The following RAB35 variants were observed in gnomAD, a reference collection of about 807,000 sequenced individuals.
The protein encoded by RAB35 is RAB35, member RAS oncogene family.
A neutral mutation model predicts 28.9 loss-of-function variants in RAB35; 4 were observed. That is an observed-to-expected ratio of 0.14 (90% CI 0.07 to 0.32). The LOEUF is 0.32. RAB35 is among the 10% of genes least tolerant of loss of function. The pLI, the probability that RAB35 is intolerant of heterozygous loss-of-function variation, is 1.00. For synonymous variants in RAB35, 99 were observed against 105.1 expected (o/e 0.94, Z 0.35); for missense variants, 128 against 274.0 (o/e 0.47, Z 3.76).
At chr12:120,112,433 ATT>A (rs139962625) in intron 1 of RAB35, among the ~76,000 whole-genome samples, 21 of 141,648 alleles carry the variant, frequency 1.5e-4, no homozygotes, top group Non-Finnish European at 1.2e-4. Flanking sequence ...TGTTCTCGAT[ATT>A]TTTTTTTTTT....
rs1875541577 is a variant in RAB35, at chr12:120,098,886, A to G, written c.402T>C (p.Asp134=). The G allele has an allele frequency of 6.2e-7, 1 of 1,614,086 alleles. No homozygotes were observed. The highest frequency in any genetic ancestry group is 1.3e-5 in the African/African-American group (1 of 74,930). Residue 134 remains aspartate, a synonymous_variant, in exon 5 of 6, where the codon GAT becomes GAC. Coordinates refer to ENST00000229340, the MANE Select transcript of RAB35 (RefSeq NM_006861.7). ...CCATCTGCCCGGCGAATTTGTAGGCATCTTCCGTCTCCACCACCTTCCGCT... is the reference window on the plus strand; with the variant it reads ...CCATCTGCCCGGCGAATTTGTAGGCGTCTTCCGTCTCCACCACCTTCCGCT... ...DPERKVVETE[D]AYKFAGQMGI... is the part of the protein sequence containing the mutation.
chr12:120,113,322 G>A (rs1256383180), intron 1 of RAB35, among the ~76,000 whole-genome samples: 2 of 151,438 alleles, frequency 1.3e-5, no homozygotes, highest in Non-Finnish European at 2.9e-5. Flanking sequence ...CCCCAGCCAT[G>A]TTCTCAATTT....
chr12:120,097,944 C>T lies in RAB35; in HGVS notation c.478-571G>A, dbSNP rs572528008. 4.1e-5 allele frequency among the ~76,000 whole-genome samples: 6 copies of T among 144,752 alleles called. No individual in the cohort carries two copies. The East Asian group carries it at 1.0e-3, about 25-fold the overall frequency. The allele number at this position is 144,752 out of a possible 152,430, so 95.0% of individuals were successfully genotyped here. A position where few individuals can be genotyped will look rare whatever the true frequency, so the allele number is the denominator to read the frequency against. On this transcript the variant is annotated intron_variant, in intron 5 of 5. Transcript: ENST00000229340. ...TGTCGCCCAGGCTGGAGTGCAGTGGCGTGATCTCAGCTCACTGCAAACTCT... is the reference window on the plus strand; with the variant it reads ...TGTCGCCCAGGCTGGAGTGCAGTGGTGTGATCTCAGCTCACTGCAAACTCT...
At chr12:120,109,935 C>T (rs1214533705) in intron 1 of RAB35, among the ~76,000 whole-genome samples, 1 of 152,204 alleles carries the variant, frequency 6.6e-6, no homozygotes, top group Non-Finnish European at 1.5e-5. Flanking sequence ...AATTCACATG[C>T]ATCGGGCTGT....
rs139785268 is a variant in RAB35, at chr12:120,112,490, G to A, written c.53-4023C>T. Among the ~76,000 whole-genome samples, 115 of 151,516 alleles carry A rather than the reference G, an allele frequency of 7.6e-4. No homozygotes were observed. In the East Asian group the frequency reaches 0.012, roughly 15 times the overall value. ...CTGTTGCTCAGGCTAAAGTGCAGCA[G>A]CGTGATCATAGCTCATTGCAGTCTC... On this transcript the variant is annotated intron_variant, in intron 1 of 5. Transcript: ENST00000229340.
intron 1 of RAB35, among the ~76,000 whole-genome samples, chr12:120,115,153 T>TC (rs1230748816): frequency 6.6e-6 from 1 of 151,554 alleles, no homozygotes; most frequent in African/African-American, 2.4e-5. Context: ...CCCCCAGCTT[T>TC]CCCCCTTACC....
chr12:120,107,290 C>A (rs1305874995), intron 2 of RAB35, among the ~76,000 whole-genome samples: 1 of 152,084 alleles, frequency 6.6e-6, no homozygotes, highest in Non-Finnish European at 1.5e-5. Flanking sequence ...CCCGGCTGAA[C>A]CTGATGTATT....
At chr12:120,100,547 G>A (rs1875615938) in intron 3 of RAB35, among the ~76,000 whole-genome samples, 1 of 152,156 alleles carries the variant, frequency 6.6e-6, no homozygotes, top group Non-Finnish European at 1.5e-5. Context: ...GAAACCAACA[G>A]GCAGCTTAGG....
intron 5 of RAB35, 38 bp downstream of exon 5, chr12:120,098,773 C>A: frequency 6.2e-7 from 1 of 1,612,204 alleles, no homozygotes; most frequent in Non-Finnish European, 8.5e-7. Flanking sequence ...AAGGCGGCCA[C>A]GGGTGTGTGG....
At chr12:120,099,302 C>T in intron 3 of RAB35, 148 bp from the exon 4 acceptor site, 1 of 1,030,932 alleles carries the variant, frequency 9.7e-7, no homozygotes, top group Non-Finnish European at 1.4e-6. Flanking sequence ...GCAGATGCCC[C>T]CGAGCCACAA....
rs573758073 is a variant in RAB35 at position 120,095,231 on chromosome 12, G to A, written c.*2014C>T. On this transcript the variant is annotated 3_prime_UTR_variant, in exon 6 of 6. Coordinates refer to ENST00000229340, the MANE Select transcript of RAB35 (RefSeq NM_006861.7). ...CAGGAATTTCACATCAGGTCCACTAGGACGTCGGTCCAGCCCTGAGTCCCC... is the reference window on the plus strand; with the variant it reads ...CAGGAATTTCACATCAGGTCCACTAAGACGTCGGTCCAGCCCTGAGTCCCC... 1 of 152,680 alleles carries A rather than the reference G, an allele frequency of 6.5e-6. No individual in the cohort carries two copies. Among genetic ancestry groups the A allele is most frequent in the East Asian group, 1.9e-4 (1 of 5,168 alleles). The allele number at this position is 152,680 out of a possible 1,614,324, so 9.5% of individuals were successfully genotyped here. A position where few individuals can be genotyped will look rare whatever the true frequency, so the allele number is the denominator to read the frequency against.
intron 3 of RAB35, chr12:120,099,390 G>A (rs1186940617): frequency 1.0e-5 from 6 of 588,098 alleles, no homozygotes; most frequent in Non-Finnish European, 1.8e-5. Context: ...GGGAGGGCCA[G>A]CCCCTGGGCA....
Position 120,099,164 on chromosome 12 carries a change from CAG to C in RAB35, c.228-12_228-11del. 6.2e-7 allele frequency: 1 copy of C among 1,614,136 alleles called. No homozygotes were observed. The highest frequency in any genetic ancestry group is 1.1e-5 in the South Asian group (1 of 91,090). ...GGTCCCCCGATAATACCTGCAGGGC[CAG>C]AGTGTGCGGCAGCATGTCAACCCCG... On this transcript the variant is annotated splice_polypyrimidine_tract_variant and intron_variant, in intron 3 of 5. Coordinates refer to ENST00000229340, the MANE Select transcript of RAB35 (RefSeq NM_006861.7).
At chr12:120,097,914 C>T (rs893729270) in intron 5 of RAB35, among the ~76,000 whole-genome samples, 5 of 143,560 alleles carry the variant, frequency 3.5e-5, no homozygotes, top group Admixed American at 1.4e-4. Context: ...GATGGAGTCT[C>T]GCTCTGTCGC....
At chr12:120,112,240 A>G (rs1031377753) in intron 1 of RAB35, among the ~76,000 whole-genome samples, 11 of 151,860 alleles carry the variant, frequency 7.2e-5, no homozygotes, top group African/African-American at 2.7e-4. Context: ...GGCCTCCCAA[A>G]GTGCTGGGAT....
chr12:120,107,043 C>T (rs1054733224), intron 2 of RAB35, among the ~76,000 whole-genome samples: 1 of 152,046 alleles, frequency 6.6e-6, no homozygotes, highest in Non-Finnish European at 1.5e-5. Flanking sequence ...GGCTGGAGTG[C>T]AGTGGTGCCA....
chr12:120,109,257 C>G (rs1295056059), intron 1 of RAB35, among the ~76,000 whole-genome samples: 1 of 152,106 alleles, frequency 6.6e-6, no homozygotes, highest in Non-Finnish European at 1.5e-5. Context: ...AGTTCAAGAC[C>G]AGCCTGACCA....
At chr12:120,097,457 G>C (rs187471066) in intron 5 of RAB35, 84 bp from the exon 6 acceptor site, 54 of 1,113,318 alleles carry the variant, frequency 4.9e-5, no homozygotes, top group Non-Finnish European at 6.3e-5. Context: ...CCCGCCTTCC[G>C]GGGCCCAGCT....
At position 120,096,429 on chromosome 12, in the gene RAB35, C is replaced by T; in HGVS notation, c.*816G>A. On this transcript the variant is annotated 3_prime_UTR_variant, in exon 6 of 6. Transcript: ENST00000229340. ...TTCTTGATCTGTTAAAATAATCCTC[C>T]CATAGCCCCCCTGCCAGCCCCATCT... is the stretch of plus-strand genomic sequence containing the variant. 7.8e-7 allele frequency: 1 copy of T among 1,287,364 alleles called. No individual in the cohort carries two copies. Among genetic ancestry groups the T allele is most frequent in the Non-Finnish European group, 1.0e-6 (1 of 987,178 alleles). The allele number at this position is 1,287,364 out of a possible 1,614,324, so 79.7% of individuals were successfully genotyped here.
Sources: gnomAD v4.1 joint callset for allele counts (sites outside exome capture counted in the v4.1 genomes callset) on GRCh38, gnomAD v4.1.1 for gene constraint, MANE v1.5 for transcripts, NCBI Gene and HGNC (gene_info 2026-07-23, HGNC 2026-07-21) for gene names.